GALNT18: variants seen among roughly 807,000 people sequenced by gnomAD.
GALNT18 encodes polypeptide N-acetylgalactosaminyltransferase 18.
GALNT18 carries 44 observed loss-of-function variants against 69.5 expected under a neutral mutation model. That is an observed-to-expected ratio of 0.63 (90% CI 0.50 to 0.81). GALNT18 has a LOEUF of 0.81. Ranked by LOEUF, GALNT18 falls within the 40% of genes least tolerant of loss-of-function variation. GALNT18 has a pLI of 0.00. For missense variants in GALNT18, 715 were observed against 810.0 expected (o/e 0.88, Z 1.42); for synonymous variants, 364 against 318.2 (o/e 1.14, Z -1.53).
At chr11:11,419,985 T>C (rs545261635) in intron 3 of GALNT18, among the ~76,000 whole-genome samples, 3 of 152,188 alleles carry the variant, frequency 2.0e-5, no homozygotes, top group African/African-American at 7.2e-5. Context: ...ATTTGTTAAA[T>C]GAATGCATGA....
intron 9 of GALNT18, among the ~76,000 whole-genome samples, chr11:11,324,786 T>C (rs1849890870): frequency 6.6e-6 from 1 of 152,332 alleles, no homozygotes; most frequent in South Asian, 2.1e-4. Flanking sequence ...GTTGAGTTCC[T>C]TGTAGATTCT....
chr11:11,607,561 A>G (rs1487483360), intron 1 of GALNT18, among the ~76,000 whole-genome samples: 1 of 152,248 alleles, frequency 6.6e-6, no homozygotes, highest in Non-Finnish European at 1.5e-5. Context: ...AAATTATATC[A>G]TGCAACAAAA....
chr11:11,403,011 C>T (rs956377968), intron 3 of GALNT18, among the ~76,000 whole-genome samples: 10 of 152,198 alleles, frequency 6.6e-5, no homozygotes, highest in African/African-American at 2.4e-4. Flanking sequence ...AAGAATCATG[C>T]TCTCCCCAGG....
chr11:11,431,508 T>C (rs567810348), intron 3 of GALNT18, among the ~76,000 whole-genome samples: 1 of 152,322 alleles, frequency 6.6e-6, no homozygotes, highest in South Asian at 2.1e-4. Flanking sequence ...CCTTTCTTCA[T>C]GTCCACGGAA....
chr11:11,594,780 GT>G (rs1213045484), intron 1 of GALNT18, among the ~76,000 whole-genome samples: 2 of 143,806 alleles, frequency 1.4e-5, no homozygotes, highest in Admixed American at 1.4e-4. Flanking sequence ...TTGTGTACAA[GT>G]TTTTGTGTAG....
chr11:11,594,868 A>C (rs1299013518), intron 1 of GALNT18, among the ~76,000 whole-genome samples: 1 of 127,710 alleles, frequency 7.8e-6, no homozygotes, highest in Non-Finnish European at 1.7e-5. Flanking sequence ...CACACACATA[A>C]ATATATATAT....
chr11:11,279,954 T>A (rs35444889), intron 10 of GALNT18, among the ~76,000 whole-genome samples: 58,841 of 151,948 alleles, frequency 0.39, 11,834 homozygotes, highest in Non-Finnish European at 0.45. Flanking sequence ...GAGTCACAGA[T>A]GAAGGAGGCA....
chr11:11,362,580 A>C (rs974007981), intron 6 of GALNT18, among the ~76,000 whole-genome samples: 5 of 152,148 alleles, frequency 3.3e-5, no homozygotes, highest in African/African-American at 1.2e-4. Context: ...ATCATATGAA[A>C]ATCTCTTCAA....
intron 6 of GALNT18, among the ~76,000 whole-genome samples, chr11:11,351,546 C>T (rs190335355): frequency 6.6e-6 from 1 of 152,154 alleles, no homozygotes; most frequent in Non-Finnish European, 1.5e-5. Flanking sequence ...TAGTTCAAGT[C>T]CAGGCATATC....
In GALNT18 at chr11:11,396,446, C is replaced by T. The variant is rs1044787527; in HGVS notation, c.596-17182G>A. Reference sequence around the variant, plus strand: ...GCAGGGATGATGGAGAAAGAATTCACGTGTGGGAGGTACCGATGAATCAGA... The same window carrying T: ...GCAGGGATGATGGAGAAAGAATTCATGTGTGGGAGGTACCGATGAATCAGA... On this transcript the variant is annotated intron_variant, in intron 3 of 10. Transcript: ENST00000227756. This position sits in a 1 kb window ranked among gnomAD's most constrained non-coding sequence, Gnocchi z 5.2. Among the ~76,000 whole-genome samples, 2 of 152,060 alleles carry T rather than the reference C, an allele frequency of 1.3e-5. No individual in the cohort carries two copies. Among genetic ancestry groups the T allele is most frequent in the African/African-American group, 2.4e-5 (1 of 41,390 alleles).
chr11:11,275,723 A>AGGG (rs1282581070), intron 10 of GALNT18, among the ~76,000 whole-genome samples: 1 of 152,240 alleles, frequency 6.6e-6, no homozygotes, highest in African/African-American at 2.4e-5. Flanking sequence ...GATGTAAGGA[A>AGGG]GGGGTCCAGC....
chr11:11,601,629 C>T lies in GALNT18; in HGVS notation c.235+19730G>A, dbSNP rs150762082. Among the ~76,000 whole-genome samples the T allele has an allele frequency of 7.5e-3, 1,146 of 152,218 alleles. 19 individuals carry two copies. Among genetic ancestry groups the T allele is most frequent in the African/African-American group, 0.026 (1,092 of 41,548 alleles). On this transcript the variant is annotated intron_variant, in intron 1 of 10. Coordinates refer to ENST00000227756, the MANE Select transcript of GALNT18 (RefSeq NM_198516.3). The surrounding 1 kb of genome is among the most constrained non-coding windows in gnomAD (Gnocchi z 4.0). ...CCAATTAAATTTGGGTTTGGGGGTT[C>T]TTTTGGCAGGGATTTTCTTTGAGGC... is the stretch of plus-strand genomic sequence containing the variant.
intron 1 of GALNT18, among the ~76,000 whole-genome samples, chr11:11,457,886 C>A (rs549052477): frequency 6.6e-6 from 1 of 152,224 alleles, no homozygotes; most frequent in Non-Finnish European, 1.5e-5. Flanking sequence ...TCTCTTTCTG[C>A]CCTCAGGCCA....
rs1392266972 is a variant in GALNT18, at chr11:11,459,801, GTAGCT to G, written c.236-10870_236-10866del. Among the ~76,000 whole-genome samples the G allele has an allele frequency of 6.6e-6, 1 of 152,232 alleles. No homozygotes were observed. The highest frequency in any genetic ancestry group is 2.4e-5 in the African/African-American group (1 of 41,462). On this transcript the variant is annotated intron_variant, in intron 1 of 10. Transcript: ENST00000227756. This position sits in a 1 kb window ranked among gnomAD's most constrained non-coding sequence, Gnocchi z 5.0. ...TGCTCTAGCAAAAACCACAAACTTA[GTAGCT>G]TGACAATGCAGACATGCTATCTTAC...
intron 1 of GALNT18, chr11:11,475,182 T>C (rs1856361835): frequency 3.1e-5 from 2 of 64,056 alleles, no homozygotes; most frequent in South Asian, 1.8e-3. Flanking sequence ...CAAGATCTCT[T>C]CTTTCTTTTT....
rs145527008 is a variant in GALNT18, at chr11:11,385,443, T to C, written c.596-6179A>G. On this transcript the variant is annotated intron_variant, in intron 3 of 10. Coordinates refer to ENST00000227756, the MANE Select transcript of GALNT18 (RefSeq NM_198516.3). ...CCCCAGCAGCTGGGACTACAGGCGCTCGCCACCACATCCGGCTAATTTTTT... is the reference window on the plus strand; with the variant it reads ...CCCCAGCAGCTGGGACTACAGGCGCCCGCCACCACATCCGGCTAATTTTTT... Among the ~76,000 whole-genome samples the C allele has an allele frequency of 7.8e-3, 1,190 of 152,034 alleles. 12 individuals carry two copies. The highest frequency in any genetic ancestry group is 0.025 in the African/African-American group (1,026 of 41,440).
intron 1 of GALNT18, among the ~76,000 whole-genome samples, chr11:11,491,480 C>A (rs1236148323): frequency 2.0e-5 from 3 of 152,176 alleles, no homozygotes; most frequent in Non-Finnish European, 2.9e-5. Context: ...TTTTAAAAAG[C>A]CGATTGATTT....
chr11:11,571,860 G>C (rs1858800581), intron 1 of GALNT18, among the ~76,000 whole-genome samples: 1 of 152,152 alleles, frequency 6.6e-6, no homozygotes, highest in African/African-American at 2.4e-5. Context: ...GTATCTGCCT[G>C]GCTACAGACT....
At chr11:11,326,975 C>A (rs1471147546) in intron 9 of GALNT18, 111 bp downstream of exon 9, 6 of 768,208 alleles carry the variant, frequency 7.8e-6, no homozygotes, top group Non-Finnish European at 1.1e-5. Context: ...GGTCCCAGAG[C>A]TGCCATGACA....
Sources: allele counts gnomAD v4.1 joint callset (sites outside exome capture counted in the v4.1 genomes callset), GRCh38; gene constraint gnomAD v4.1.1; non-coding constraint Gnocchi (gnomAD v3.1); transcripts MANE v1.5; gene names NCBI Gene and HGNC (gene_info 2026-07-23, HGNC 2026-07-21).